USP47: variants seen among roughly 807,000 people sequenced by gnomAD.
USP47 encodes the protein ubiquitin carboxyl-terminal hydrolase 47.
Under a neutral mutation model 165.1 loss-of-function variants are expected in USP47, and 35 were observed. The observed-to-expected ratio is 0.21, with a 90% CI of 0.16 to 0.28. The LOEUF (loss-of-function observed/expected upper bound fraction) is 0.28. Ranked by LOEUF, USP47 falls within the 10% of genes least tolerant of loss-of-function variation. The pLI is 1.00. For synonymous variants in USP47, 531 were observed against 544.5 expected, an observed-to-expected ratio of 0.98 and a Z score of 0.35; for missense variants, 1,277 against 1,607.4, an observed-to-expected ratio of 0.79 and a Z score of 3.52.
At chr11:11,866,620 G>A (rs1849696870) in intron 1 of USP47, among the ~76,000 whole-genome samples, 1 of 152,074 alleles carries the variant, frequency 6.6e-6, no homozygotes, top group African/African-American at 2.4e-5. Context: ...CCTTCCTTCT[G>A]GGGTCACTTT....
At chr11:11,856,576 T>A (rs1453458567) in intron 1 of USP47, 2 of 152,536 alleles carry the variant, frequency 1.3e-5, no homozygotes, top group Admixed American at 1.3e-4. Context: ...TCAAATAGGC[T>A]AACCAGGTAG....
rs779076867 is a variant in USP47, at chr11:11,959,086, GTGT to G, written c.*2916_*2918del. On this transcript the variant is annotated 3_prime_UTR_variant, in exon 28 of 28. Coordinates refer to ENST00000527733, the MANE Select transcript of USP47 (RefSeq NM_001282659.2). ...GACCGCACAGCATCATAGCATTGCA[GTGT>G]TGTTACTAAATCTGGAAGTGACCTG... is the stretch of plus-strand genomic sequence containing the variant. 6.6e-6 allele frequency: 1 copy of G among 152,242 alleles called. No individual in the cohort carries two copies. The highest frequency in any genetic ancestry group is 1.5e-5 in the Non-Finnish European group (1 of 68,042). 9.4% of individuals were successfully genotyped at this position (152,242 alleles called of 1,614,324 possible). A position where few individuals can be genotyped will look rare whatever the true frequency, so the allele number is the denominator to read the frequency against.
intron 25 of USP47, among the ~76,000 whole-genome samples, chr11:11,953,939 T>C (rs1856387728): frequency 6.6e-6 from 1 of 152,158 alleles, no homozygotes; most frequent in South Asian, 2.1e-4. Flanking sequence ...ATTAAACATC[T>C]GGGAATTCGA....
intron 16 of USP47, 93 bp downstream of exon 16, chr11:11,934,028 C>G: frequency 1.1e-6 from 1 of 872,584 alleles, no homozygotes; most frequent in Non-Finnish European, 1.8e-6. Context: ...GTTATATAAA[C>G]ACTGGCAGTA....
At chr11:11,902,606 G>T in intron 5 of USP47, 109 bp from the exon 6 acceptor site, 1 of 812,612 alleles carries the variant, frequency 1.2e-6, no homozygotes. Flanking sequence ...TTCAAACTCT[G>T]TATAGCTTCC....
At chr11:11,914,044 T>C (rs1192798151) in intron 8 of USP47, among the ~76,000 whole-genome samples, 2 of 152,018 alleles carry the variant, frequency 1.3e-5, no homozygotes, top group East Asian at 1.9e-4. Context: ...TATTCCAAAA[T>C]GTATATGGAA....
In USP47 at chr11:11,955,162, T is replaced by C; in HGVS notation, c.3891T>C (p.Tyr1297=). 1 of 1,611,102 alleles carries C rather than the reference T, an allele frequency of 6.2e-7. No homozygotes were observed. Among genetic ancestry groups the C allele is most frequent in the Non-Finnish European group, 8.5e-7 (1 of 1,179,056 alleles). ...GTGATGATGGTGCGGTCATATTTTATAGGTAACATTCACAATGTTTTTGTT... is the reference window on the plus strand; with the variant it reads ...GTGATGATGGTGCGGTCATATTTTACAGGTAACATTCACAATGTTTTTGTT... ...YICDDGAVIF[Y]RDKTEELMEL... is the part of the protein sequence containing the mutation. The change falls in exon 27 of 28, where the codon TAT becomes TAC. Residue 1297 remains tyrosine (Y), a splice_region_variant and synonymous_variant. Transcript: ENST00000527733.
intron 1 of USP47, among the ~76,000 whole-genome samples, chr11:11,851,901 C>G (rs1315620786): frequency 6.6e-6 from 1 of 152,080 alleles, no homozygotes; most frequent in Non-Finnish European, 1.5e-5. Flanking sequence ...GGGATGTGTT[C>G]TTCTTAGTGC....
In USP47 at chr11:11,912,640, C is replaced by CA. The variant is rs1040007035; in HGVS notation, c.969+7101dup. ...ACACCAGGTCTGTACAATTTCTTTT[C>CA]AAAAAAAAAGAAAGGAAGAGGAGGA... On this transcript the variant is annotated intron_variant, in intron 8 of 27. Coordinates refer to ENST00000527733, the MANE Select transcript of USP47 (RefSeq NM_001282659.2). Among the ~76,000 whole-genome samples the CA allele has an allele frequency of 4.9e-4, 73 of 148,970 alleles. 2 individuals are homozygous for CA. The highest frequency in any genetic ancestry group is 3.9e-4 in the East Asian group (2 of 5,130).
chr11:11,894,491 C>T (rs535098328), intron 4 of USP47, among the ~76,000 whole-genome samples: 4 of 152,112 alleles, frequency 2.6e-5, no homozygotes, highest in African/African-American at 9.7e-5. Context: ...CAAGGCATTA[C>T]TTCCCAAAAT....
intron 8 of USP47, among the ~76,000 whole-genome samples, chr11:11,908,570 T>C (rs1160061623): frequency 6.6e-6 from 1 of 152,078 alleles, no homozygotes; most frequent in Non-Finnish European, 1.5e-5. Context: ...CTCATCTAAC[T>C]TATTATAATA....
chr11:11,874,562 C>CGT (rs1554904303), intron 1 of USP47, among the ~76,000 whole-genome samples: 2 of 145,004 alleles, frequency 1.4e-5, no homozygotes, highest in Admixed American at 6.9e-5. Flanking sequence ...GAAGCTGATA[C>CGT]TTTTTTTTTT....
chr11:11,956,203 G>A lies in USP47; in HGVS notation c.*28G>A, dbSNP rs755937526. On this transcript the variant is annotated 3_prime_UTR_variant, in exon 28 of 28. Transcript: ENST00000527733. ...CTGATAGTGTAGCATTTTCCCTGGGGGAGTTTTGGTTTTAATTAGATGGTT... is the reference window on the plus strand; with the variant it reads ...CTGATAGTGTAGCATTTTCCCTGGGAGAGTTTTGGTTTTAATTAGATGGTT... 1 of 1,611,254 alleles carries A rather than the reference G, an allele frequency of 6.2e-7. No homozygotes were observed. Among genetic ancestry groups the A allele is most frequent in the Non-Finnish European group, 8.5e-7 (1 of 1,179,132 alleles).
chr11:11,916,095 G>T (rs1853397486), intron 8 of USP47, among the ~76,000 whole-genome samples: 1 of 152,136 alleles, frequency 6.6e-6, no homozygotes. Context: ...TTTTTGATTG[G>T]AGAACTAAGG....
intron 11 of USP47, among the ~76,000 whole-genome samples, chr11:11,926,937 T>C (rs1196905199): frequency 1.7e-5 from 2 of 118,564 alleles, no homozygotes; most frequent in Non-Finnish European, 4.1e-5. Context: ...TCCTTTGTGG[T>C]TTCTTCTTTG....
intron 3 of USP47, among the ~76,000 whole-genome samples, chr11:11,888,607 G>A (rs973855585): frequency 6.6e-6 from 1 of 152,040 alleles, no homozygotes. Context: ...ATTTACAGCT[G>A]AATTCTACCA....
chr11:11,942,825 G>A lies in USP47; in HGVS notation c.2804G>A (p.Ser935Asn). ...GATGTGAATAATGACAGGAGTACAA[G>A]TTCAGTGGACAGTGATATTCTTAGC... is the stretch of plus-strand genomic sequence containing the variant. ...DSDVNNDRST[S>N]SVDSDILSSS... The change falls in exon 20 of 28, where the codon AGT (serine) becomes AAT (asparagine). Residue 935 changes from serine to asparagine, a missense_variant. By Grantham distance (46) the Ser-to-Asn change is conservative. Around this residue, in one of 4 missense-constraint regions of USP47, gnomAD observed 909 missense variants for 1,068.1 expected, o/e 0.85. Coordinates refer to ENST00000527733, the MANE Select transcript of USP47 (RefSeq NM_001282659.2). 1 of 1,613,740 alleles carries A rather than the reference G, an allele frequency of 6.2e-7. No homozygotes were observed. Among genetic ancestry groups the A allele is most frequent in the Non-Finnish European group, 8.5e-7 (1 of 1,179,780 alleles).
Position 11,957,249 on chromosome 11 carries a change from A to T in USP47, c.*1074A>T, listed in dbSNP as rs1234991932. ...AGTTACATGTAGTTTAACTTTTGGG[A>T]AACGTCTTAACATTGTTCTGAATAA... On this transcript the variant is annotated 3_prime_UTR_variant, in exon 28 of 28. Coordinates refer to ENST00000527733, the MANE Select transcript of USP47 (RefSeq NM_001282659.2). 1 of 150,538 alleles carries T rather than the reference A, an allele frequency of 6.6e-6. No individual in the cohort carries two copies. The highest frequency in any genetic ancestry group is 2.0e-4 in the East Asian group (1 of 5,090). 9.3% of individuals were successfully genotyped at this position (150,538 alleles called of 1,614,324 possible).
At chr11:11,943,300 T>G in intron 20 of USP47, 188 bp downstream of exon 20, 1 of 475,502 alleles carries the variant, frequency 2.1e-6, no homozygotes. Context: ...ATGGTAATTA[T>G]ATCAGAACTC....
Sources: allele counts gnomAD v4.1 joint callset (sites outside exome capture counted in the v4.1 genomes callset), GRCh38; gene constraint gnomAD v4.1.1; regional missense constraint gnomAD v4.1.1; transcripts MANE v1.5; gene names NCBI Gene and HGNC (gene_info 2026-07-23, HGNC 2026-07-21).